KCNQ3: variants seen among roughly 807,000 people sequenced by gnomAD.
KCNQ3 encodes potassium voltage-gated channel subfamily Q member 3, also known as potassium voltage-gated channel subfamily KQT member 3.
In KCNQ3, 30 loss-of-function variants were observed where a neutral mutation model predicts 92.5. The observed-to-expected ratio is 0.32, with a 90% CI of 0.24 to 0.44. KCNQ3 has a LOEUF of 0.44. Ranked by LOEUF, KCNQ3 falls within the 20% of genes least tolerant of loss-of-function variation. The pLI is 1.00. For missense variants in KCNQ3, 913 were observed against 1,140.3 expected (o/e 0.80, Z 2.87); for synonymous variants, 450 against 468.8 (o/e 0.96, Z 0.52).
intron 1 of KCNQ3, among the ~76,000 whole-genome samples, chr8:132,281,723 CCAT>C (rs60485647): frequency 0.026 from 3,901 of 152,226 alleles, 186 homozygotes; most frequent in African/African-American, 0.088. Flanking sequence ...CCAACCACCA[CCAT>C]GTTTACTGCA....
intron 1 of KCNQ3, among the ~76,000 whole-genome samples, chr8:132,372,915 G>C (rs1045600842): frequency 6.6e-6 from 1 of 152,116 alleles, no homozygotes; most frequent in East Asian, 1.9e-4. Flanking sequence ...GCTCCTGGGG[G>C]AAAGTTCCCT....
At chr8:132,432,135 CAG>C (rs1429943695) in intron 1 of KCNQ3, among the ~76,000 whole-genome samples, 1 of 152,132 alleles carries the variant, frequency 6.6e-6, no homozygotes, top group African/African-American at 2.4e-5. Flanking sequence ...TGACTCAAAA[CAG>C]AAATTCACAT....
chr8:132,169,546 G>T (rs926306041), intron 8 of KCNQ3, among the ~76,000 whole-genome samples: 1 of 152,162 alleles, frequency 6.6e-6, no homozygotes, highest in Non-Finnish European at 1.5e-5. Flanking sequence ...GTCCTCTTCC[G>T]CATTTCCTTT....
intron 1 of KCNQ3, among the ~76,000 whole-genome samples, chr8:132,190,608 TG>T (rs1827127646): frequency 6.6e-6 from 1 of 152,130 alleles, no homozygotes; most frequent in African/African-American, 2.4e-5. Context: ...TCAACAATCA[TG>T]GGATATTGGG....
chr8:132,382,379 C>T (rs143244614), intron 1 of KCNQ3, among the ~76,000 whole-genome samples: 1 of 152,282 alleles, frequency 6.6e-6, no homozygotes, highest in Non-Finnish European at 1.5e-5. Flanking sequence ...CTCCTTCTCT[C>T]TTGCTCCATC....
At chr8:132,138,313 T>G (rs1056610503) in intron 11 of KCNQ3, among the ~76,000 whole-genome samples, 7 of 152,248 alleles carry the variant, frequency 4.6e-5, no homozygotes, top group African/African-American at 1.7e-4. Context: ...TAATGCTTTA[T>G]GAACAATCCT....
intron 1 of KCNQ3, among the ~76,000 whole-genome samples, chr8:132,333,144 A>C (rs748252479): frequency 1.3e-5 from 2 of 152,158 alleles, no homozygotes; most frequent in Non-Finnish European, 2.9e-5. Context: ...CCTTCTGGGT[A>C]TGTGCACTTT....
intron 1 of KCNQ3, among the ~76,000 whole-genome samples, chr8:132,267,361 C>A (rs553837345): frequency 6.6e-6 from 1 of 152,144 alleles, no homozygotes; most frequent in Middle Eastern, 3.2e-3. Context: ...GTATTGCCCA[C>A]GTCCTCTGTG....
chr8:132,457,171 G>A (rs1373957421), intron 1 of KCNQ3, among the ~76,000 whole-genome samples: 1 of 151,966 alleles, frequency 6.6e-6, no homozygotes, highest in African/African-American at 2.4e-5. Context: ...ATTACAATAG[G>A]GGAACTCTAA....
chr8:132,440,383 G>GGCA (rs1563912976), intron 1 of KCNQ3, among the ~76,000 whole-genome samples: 3 of 152,068 alleles, frequency 2.0e-5, no homozygotes, highest in African/African-American at 7.2e-5. Flanking sequence ...AGTATCAGGC[G>GGCA]TCCCCTCATT....
At chr8:132,426,034 G>C (rs1279488520) in intron 1 of KCNQ3, among the ~76,000 whole-genome samples, 17 of 152,262 alleles carry the variant, frequency 1.1e-4, no homozygotes, top group Admixed American at 1.1e-3. Flanking sequence ...GACACACACA[G>C]AGAAGAACCA....
At chr8:132,272,242 CCCTACCCTG>C (rs1463926794) in intron 1 of KCNQ3, among the ~76,000 whole-genome samples, 1 of 152,232 alleles carries the variant, frequency 6.6e-6, no homozygotes, top group East Asian at 1.9e-4. Context: ...CTCAGACCTT[CCCTACCCTG>C]CCATTGGCAG....
intron 1 of KCNQ3, among the ~76,000 whole-genome samples, chr8:132,338,460 T>G (rs1348331630): frequency 6.6e-6 from 1 of 152,244 alleles, no homozygotes; most frequent in Non-Finnish European, 1.5e-5. Flanking sequence ...GGTACTGACC[T>G]CAGAGGGTCA....
chr8:132,265,438 G>A (rs1354848267), intron 1 of KCNQ3, among the ~76,000 whole-genome samples: 4 of 152,150 alleles, frequency 2.6e-5, no homozygotes, highest in African/African-American at 9.7e-5. Context: ...AAACCGCAAG[G>A]GAAGGAAAAA....
intron 1 of KCNQ3, among the ~76,000 whole-genome samples, chr8:132,208,160 G>A (rs1340534455): frequency 2.0e-5 from 3 of 152,174 alleles, no homozygotes; most frequent in Non-Finnish European, 4.4e-5. Flanking sequence ...CAAACCCTGT[G>A]TCAAGGTACA....
intron 1 of KCNQ3, among the ~76,000 whole-genome samples, chr8:132,390,189 T>A (rs1471015154): frequency 1.3e-5 from 2 of 152,172 alleles, no homozygotes; most frequent in African/African-American, 4.8e-5. Flanking sequence ...GTTCCAGTTA[T>A]ATAAAACCAA....
At chr8:132,314,372 C>A (rs1026104673) in intron 1 of KCNQ3, among the ~76,000 whole-genome samples, 2 of 152,126 alleles carry the variant, frequency 1.3e-5, no homozygotes, top group Non-Finnish European at 2.9e-5. Context: ...GAAAAAAAGA[C>A]TAACTGTGAA....
chr8:132,290,984 AAAG>A (rs1266318644), intron 1 of KCNQ3, among the ~76,000 whole-genome samples: 2 of 152,310 alleles, frequency 1.3e-5, no homozygotes, highest in African/African-American at 4.8e-5. Flanking sequence ...ATGGAAGCTA[AAAG>A]AAGACGAGAT....
At chr8:132,414,864 A>G (rs2130802359) in intron 1 of KCNQ3, among the ~76,000 whole-genome samples, 1 of 152,354 alleles carries the variant, frequency 6.6e-6, no homozygotes, top group South Asian at 2.1e-4. Flanking sequence ...ATATGTAAAT[A>G]AGAAATCAGA....
Sources: gnomAD v4.1 joint callset for allele counts (sites outside exome capture counted in the v4.1 genomes callset) on GRCh38, gnomAD v4.1.1 for gene constraint, MANE v1.5 for transcripts, NCBI Gene and HGNC (gene_info 2026-07-23, HGNC 2026-07-21) for gene names.